CDV3: variants seen among roughly 807,000 people sequenced by gnomAD.
The protein encoded by CDV3 is CDV3 homolog.
CDV3 carries 14 observed loss-of-function variants against 24.5 expected under a neutral mutation model. The observed-to-expected ratio is 0.57, with a 90% CI of 0.38 to 0.89. The LOEUF is 0.89. Ranked by LOEUF, CDV3 falls within the 40% of genes least tolerant of loss-of-function variation. The pLI, the probability that CDV3 is intolerant of heterozygous loss-of-function variation, is 0.00. For synonymous variants in CDV3, 114 were observed against 114.1 expected, an observed-to-expected ratio of 1.00 and a Z score of 0.00; for missense variants, 304 against 310.2, an observed-to-expected ratio of 0.98 and a Z score of 0.15.
intron 2 of CDV3, among the ~76,000 whole-genome samples, chr3:133,579,751 C>T (rs537059548): frequency 4.6e-5 from 7 of 152,232 alleles, no homozygotes; most frequent in African/African-American, 1.7e-4. Flanking sequence ...TGCCACCACG[C>T]CTAGCTAATT....
intron 2 of CDV3, among the ~76,000 whole-genome samples, chr3:133,580,344 CA>C (rs1443075048): frequency 6.6e-6 from 1 of 152,138 alleles, no homozygotes; most frequent in African/African-American, 2.4e-5. Context: ...GGTATATGTG[CA>C]ACGTTTTCTT....
Position 133,586,565 on chromosome 3 carries a change from A to T in CDV3, c.469A>T (p.Thr157Ser). ...TAAAAATTGTTATAAAATATTAGTT[A>T]CAGAAACCCCAGAACCAGCGATGAC... ...VQAPPAPVIVTETPEPAMTSG... is the reference protein window; with the variant it reads ...VQAPPAPVIVSETPEPAMTSG... Residue 157 changes from threonine (T) to serine (S), a missense_variant and splice_region_variant, in exon 4 of 5, where the codon ACA becomes TCA. Physicochemically the swap from Thr to Ser is moderately conservative, Grantham distance 58. Around this residue, in one of 3 missense-constraint regions of CDV3, gnomAD observed 219 missense variants for 203.6 expected, o/e 1.08. Coordinates refer to ENST00000264993, the MANE Select transcript of CDV3 (RefSeq NM_017548.5). 6.5e-7 allele frequency: 1 copy of T among 1,539,480 alleles called. No individual in the cohort carries two copies. The highest frequency in any genetic ancestry group is 8.9e-7 in the Non-Finnish European group (1 of 1,124,554).
intron 2 of CDV3, among the ~76,000 whole-genome samples, chr3:133,580,991 A>G (rs1032228286): frequency 3.3e-5 from 5 of 152,026 alleles, no homozygotes; most frequent in South Asian, 2.1e-4. Flanking sequence ...TTTTTTTCCT[A>G]AGGGCAAGGA....
At chr3:133,576,841 C>CTTTTTTTTTTTTTTTTTTTTTTTTTTTTT (rs370619351) in intron 2 of CDV3, among the ~76,000 whole-genome samples, 3 of 62,392 alleles carry the variant, frequency 4.8e-5, no homozygotes, top group African/African-American at 1.4e-4. Flanking sequence ...GGTAGACTAG[C>CTTTTTTTTTTTTTTTTTTTTTTTTTTTTT]TTTTTTTTTT....
At chr3:133,574,590 CG>C in intron 1 of CDV3, 1 of 992,282 alleles carries the variant, frequency 1.0e-6, no homozygotes, top group Non-Finnish European at 1.2e-6. Flanking sequence ...CAGCGTTTAT[CG>C]GGTGACGTCT....
intron 3 of CDV3, among the ~76,000 whole-genome samples, chr3:133,585,192 C>G (rs1933459254): frequency 6.6e-6 from 1 of 151,942 alleles, no homozygotes; most frequent in Non-Finnish European, 1.5e-5. Flanking sequence ...AAGTAGACTA[C>G]CGGGGCATGC....
Sources: allele counts gnomAD v4.1 joint callset (sites outside exome capture counted in the v4.1 genomes callset), GRCh38; gene constraint gnomAD v4.1.1; regional missense constraint gnomAD v4.1.1; transcripts MANE v1.5; gene names NCBI Gene and HGNC (gene_info 2026-07-23, HGNC 2026-07-21).